The following MDFIC variants were observed in gnomAD, a reference collection of about 807,000 sequenced individuals.
MDFIC encodes the protein MyoD family inhibitor domain containing.
In MDFIC, 17 loss-of-function variants were observed where a neutral mutation model predicts 23.2. The observed-to-expected ratio is 0.73, with a 90% CI of 0.50 to 1.10. The LOEUF (loss-of-function observed/expected upper bound fraction) is 1.10, where lower values mean the gene tolerates loss of function less well. Ranked by LOEUF, MDFIC falls within the 50% of genes least tolerant of loss-of-function variation. The pLI is 0.00. For missense variants in MDFIC, 356 were observed against 316.6 expected, an observed-to-expected ratio of 1.12 and a Z score of -0.95; for synonymous variants, 120 against 115.2, an observed-to-expected ratio of 1.04 and a Z score of -0.27.
chr7:115,009,377 A>G (rs1217430205), intron 4 of MDFIC, among the ~76,000 whole-genome samples: 2 of 152,200 alleles, frequency 1.3e-5, no homozygotes, highest in Admixed American at 6.5e-5. Flanking sequence ...GAAATGAAAG[A>G]GATAAAAGAG....
intron 3 of MDFIC, among the ~76,000 whole-genome samples, chr7:114,948,290 T>A (rs894449104): frequency 1.3e-5 from 2 of 152,212 alleles, no homozygotes; most frequent in Non-Finnish European, 2.9e-5. Context: ...TATGTATAGA[T>A]GACTTTTATG....
intron 3 of MDFIC, among the ~76,000 whole-genome samples, chr7:114,979,057 C>T (rs1052395952): frequency 6.6e-6 from 1 of 151,922 alleles, no homozygotes; most frequent in Non-Finnish European, 1.5e-5. Context: ...GCTTTGAATA[C>T]CAGAACTTAT....
At chr7:114,991,642 C>A (rs1332592319) in intron 4 of MDFIC, among the ~76,000 whole-genome samples, 1 of 152,132 alleles carries the variant, frequency 6.6e-6, no homozygotes, top group African/African-American at 2.4e-5. Flanking sequence ...TCAGGTTTGT[C>A]AAAGATCACA....
rs1032296239 is a variant in MDFIC at position 115,018,438 on chromosome 7, G to A, written c.*2503G>A. 1 of 152,098 alleles carries A rather than the reference G, an allele frequency of 6.6e-6. No individual in the cohort carries two copies. Among genetic ancestry groups the A allele is most frequent in the African/African-American group, 2.4e-5 (1 of 41,430 alleles). The allele number at this position is 152,098 out of a possible 1,614,324, so 9.4% of individuals were successfully genotyped here. ...TAACAGAGAATGTTAATGGATACCA[G>A]AATTTTATTTTTGTATTTATGTTCA... is the stretch of plus-strand genomic sequence containing the variant. On this transcript the variant is annotated 3_prime_UTR_variant, in exon 5 of 5. Transcript: ENST00000393486.
chr7:114,993,656 G>A (rs558323238), intron 4 of MDFIC, among the ~76,000 whole-genome samples: 25 of 152,290 alleles, frequency 1.6e-4, no homozygotes, highest in Admixed American at 1.2e-3. Context: ...TAGTTGAGTG[G>A]TTTTGAGTGA....
chr7:114,997,377 G>A (rs73214727), intron 4 of MDFIC, among the ~76,000 whole-genome samples: 2 of 151,876 alleles, frequency 1.3e-5, no homozygotes, highest in Non-Finnish European at 2.9e-5. Flanking sequence ...GTACCCTGTG[G>A]TGTTGTAGGG....
At chr7:114,979,961 G>A (rs1446965638) in intron 4 of MDFIC, 180 bp downstream of exon 4, 1 of 727,970 alleles carries the variant, frequency 1.4e-6, no homozygotes, top group African/African-American at 1.8e-5. Flanking sequence ...GGAAGCAGTG[G>A]CAGCTGACAT....
chr7:114,929,656 A>G (rs1792271413), intron 2 of MDFIC, among the ~76,000 whole-genome samples: 1 of 152,216 alleles, frequency 6.6e-6, no homozygotes, highest in Non-Finnish European at 1.5e-5. Context: ...GGAGCATTGG[A>G]TATTTGGTGG....
rs539053083 is a variant in MDFIC at position 115,018,482 on chromosome 7, C to T, written c.*2547C>T. The stretch of plus-strand genomic sequence containing the variant: ...ATGTTCATAGTACTTTTCCTCTTGT[C>T]TACTCCAGACAGTTATTCCATAAAG... On this transcript the variant is annotated 3_prime_UTR_variant, in exon 5 of 5. Transcript: ENST00000393486. 2.9e-4 allele frequency: 44 copies of T among 152,366 alleles called. No individual in the cohort carries two copies. Among genetic ancestry groups the T allele is most frequent in the African/African-American group, 9.6e-4 (40 of 41,520 alleles). 9.4% of individuals were successfully genotyped at this position (152,366 alleles called of 1,614,324 possible).
intron 4 of MDFIC, among the ~76,000 whole-genome samples, chr7:114,995,660 A>G (rs1428384366): frequency 6.6e-6 from 1 of 152,192 alleles, no homozygotes; most frequent in Non-Finnish European, 1.5e-5. Context: ...CAGAACAGCA[A>G]ATATTGCTGA....
chr7:114,923,664 CA>C, intron 2 of MDFIC: 1 of 1,415,980 alleles, frequency 7.1e-7, no homozygotes, highest in Non-Finnish European at 9.2e-7. Flanking sequence ...AAACACTTTC[CA>C]AGAATGAATT....
intron 3 of MDFIC, among the ~76,000 whole-genome samples, chr7:114,947,320 T>C (rs901588850): frequency 6.6e-6 from 1 of 152,208 alleles, no homozygotes; most frequent in Non-Finnish European, 1.5e-5. Context: ...TCCATTTGGC[T>C]CTCAGAAAAA....
intron 3 of MDFIC, among the ~76,000 whole-genome samples, chr7:114,943,856 T>G (rs1175681401): frequency 1.3e-5 from 2 of 152,130 alleles, no homozygotes; most frequent in Non-Finnish European, 2.9e-5. Context: ...GTGCTTCATT[T>G]AATTGGTTTA....
chr7:114,954,393 T>A (rs1380615293), intron 3 of MDFIC, among the ~76,000 whole-genome samples: 1 of 152,256 alleles, frequency 6.6e-6, no homozygotes, highest in Non-Finnish European at 1.5e-5. Flanking sequence ...CTTATGGCAT[T>A]TCTGCCATGC....
At chr7:114,993,935 T>C (rs1278418746) in intron 4 of MDFIC, among the ~76,000 whole-genome samples, 1 of 152,184 alleles carries the variant, frequency 6.6e-6, no homozygotes, top group Admixed American at 6.5e-5. Context: ...ATCTGTCTAA[T>C]GTTGACAGTG....
intron 2 of MDFIC, among the ~76,000 whole-genome samples, chr7:114,937,610 C>T (rs939391482): frequency 1.3e-5 from 2 of 152,178 alleles, no homozygotes; most frequent in African/African-American, 4.8e-5. Context: ...AGATGGTCAG[C>T]CTTTGAGCCA....
At chr7:114,967,392 C>A (rs116138466) in intron 3 of MDFIC, among the ~76,000 whole-genome samples, 88 of 152,290 alleles carry the variant, frequency 5.8e-4, no homozygotes, top group African/African-American at 1.9e-3. Context: ...GGCTTGATGT[C>A]ATTCTTTGAT....
chr7:114,975,005 G>A (rs1208767340), intron 3 of MDFIC, among the ~76,000 whole-genome samples: 3 of 151,516 alleles, frequency 2.0e-5, no homozygotes, highest in Non-Finnish European at 2.9e-5. Flanking sequence ...CTTATAAGTG[G>A]TATTTGAAAT....
Position 114,922,505 on chromosome 7 carries a change from G to A in MDFIC, c.-239G>A, listed in dbSNP as rs1792102366. The A allele has an allele frequency of 8.0e-7, 1 of 1,256,862 alleles. No homozygotes were observed. Among genetic ancestry groups the A allele is most frequent in the Non-Finnish European group, 1.0e-6 (1 of 994,548 alleles). 77.9% of individuals were successfully genotyped at this position (1,256,862 alleles called of 1,614,324 possible). On this transcript the variant is annotated 5_prime_UTR_variant, in exon 1 of 5. Transcript: ENST00000393486. ...CGGAGGGAGGCGGGAGGACGCGCAG[G>A]GGCGGCCGCCGCCGTCGTCAGGCCA... is the stretch of plus-strand genomic sequence containing the variant.
Sources: gnomAD v4.1 joint callset for allele counts (sites outside exome capture counted in the v4.1 genomes callset) on GRCh38, gnomAD v4.1.1 for gene constraint, MANE v1.5 for transcripts, NCBI Gene and HGNC (gene_info 2026-07-23, HGNC 2026-07-21) for gene names.